CNTN1: variants seen among roughly 807,000 people sequenced by gnomAD.
The protein encoded by CNTN1 is contactin 1, also known as contactin-1.
A neutral mutation model predicts 126.4 loss-of-function variants in CNTN1; 38 were observed. The observed-to-expected ratio is 0.30, with a 90% CI of 0.23 to 0.39. The LOEUF is 0.39. Among genes scored for constraint, CNTN1 ranks in the 10% least tolerant of loss-of-function variants. The probability of loss-of-function intolerance (pLI) is 1.00; values close to 1 mark genes in which losing one functional copy is unlikely to be tolerated. For missense variants in CNTN1, 1,009 were observed against 1,248.4 expected, an observed-to-expected ratio of 0.81 and a Z score of 2.89; for synonymous variants, 413 against 422.6, an observed-to-expected ratio of 0.98 and a Z score of 0.28.
intron 23 of CNTN1, among the ~76,000 whole-genome samples, chr12:41,051,972 G>T (rs1949697619): frequency 6.6e-6 from 1 of 150,994 alleles, no homozygotes; most frequent in Non-Finnish European, 1.5e-5. Context: ...TCCATTCTCT[G>T]TGAGCAGTGT....
chr12:41,017,803 C>A (rs970542333), intron 19 of CNTN1, among the ~76,000 whole-genome samples: 2 of 151,596 alleles, frequency 1.3e-5, no homozygotes, highest in Non-Finnish European at 2.9e-5. Flanking sequence ...AAAAATAATA[C>A]CTTTCTGGCC....
chr12:40,800,958 AGTTTGG>A, intron 1 of CNTN1, among the ~76,000 whole-genome samples: 1 of 151,338 alleles, frequency 6.6e-6, no homozygotes, highest in East Asian at 2.0e-4. Flanking sequence ...AGAATGAGTA[AGTTTGG>A]ACACAAAGTC....
At chr12:40,795,871 T>G (rs1293874764) in intron 1 of CNTN1, among the ~76,000 whole-genome samples, 2 of 152,120 alleles carry the variant, frequency 1.3e-5, no homozygotes, top group Non-Finnish European at 2.9e-5. Flanking sequence ...GTTTTTTAAA[T>G]TTTTTACTTA....
intron 1 of CNTN1, among the ~76,000 whole-genome samples, chr12:40,703,205 GA>G (rs1167459541): frequency 6.6e-6 from 1 of 151,778 alleles, no homozygotes; most frequent in Non-Finnish European, 1.5e-5. Flanking sequence ...AATTATTACT[GA>G]AAAAATAATA....
rs57340925 is a variant in CNTN1 at position 40,924,548 on chromosome 12, C to T, written c.401-9C>T. ...AGTGAATGTTTCTCTTTTTTTCTTT[C>T]GTAATTAGATCTTGATCCTTTCCCA... On this transcript the variant is annotated splice_polypyrimidine_tract_variant and intron_variant, in intron 5 of 23. Coordinates refer to ENST00000551295, the MANE Select transcript of CNTN1 (RefSeq NM_001843.4). 6,297 of 1,460,780 alleles carry T rather than the reference C, an allele frequency of 4.3e-3. 212 individuals are homozygous for T. In the African/African-American group the frequency reaches 0.076, roughly 18 times the overall value. 90.5% of individuals were successfully genotyped at this position (1,460,780 alleles called of 1,614,324 possible).
chr12:40,767,424 C>T (rs936183467), intron 1 of CNTN1, among the ~76,000 whole-genome samples: 5 of 145,384 alleles, frequency 3.4e-5, no homozygotes, highest in East Asian at 2.1e-4. Flanking sequence ...TTCTCCTGCC[C>T]CAGCCTCCCG....
intron 1 of CNTN1, among the ~76,000 whole-genome samples, chr12:40,798,100 ATATC>A (rs748394080): frequency 3.3e-5 from 5 of 152,046 alleles, no homozygotes; most frequent in Non-Finnish European, 7.4e-5. Flanking sequence ...GTGGATGAAA[ATATC>A]TAGGGAGAGA....
chr12:41,024,911 A>G (rs1213974066), intron 20 of CNTN1, among the ~76,000 whole-genome samples: 1 of 152,068 alleles, frequency 6.6e-6, no homozygotes, highest in Non-Finnish European at 1.5e-5. Context: ...TTTTTAGTCA[A>G]TGTAAAACAA....
chr12:40,774,563 A>G (rs1450911552), intron 1 of CNTN1, among the ~76,000 whole-genome samples: 1 of 151,740 alleles, frequency 6.6e-6, no homozygotes, highest in Non-Finnish European at 1.5e-5. Flanking sequence ...GTCAACTTTC[A>G]TGAATATTTT....
chr12:40,907,604 A>G (rs1944876715), intron 1 of CNTN1, among the ~76,000 whole-genome samples: 1 of 152,200 alleles, frequency 6.6e-6, no homozygotes, highest in African/African-American at 2.4e-5. Context: ...AGACTGCTAC[A>G]TGGTTTTGTA....
chr12:40,746,709 G>A (rs569376122), intron 1 of CNTN1, among the ~76,000 whole-genome samples: 126 of 152,084 alleles, frequency 8.3e-4, no homozygotes, highest in African/African-American at 2.7e-3. Context: ...ATGAGTATGC[G>A]CAGTGTGCTT....
intron 1 of CNTN1, among the ~76,000 whole-genome samples, chr12:40,850,634 A>T (rs1437169038): frequency 6.6e-6 from 1 of 152,084 alleles, no homozygotes; most frequent in East Asian, 1.9e-4. Flanking sequence ...TTCAGCGATG[A>T]TATTAAAATA....
intron 1 of CNTN1, among the ~76,000 whole-genome samples, chr12:40,887,913 G>A: frequency 6.7e-6 from 1 of 150,234 alleles, no homozygotes; most frequent in Non-Finnish European, 1.5e-5. Flanking sequence ...CTATCGCAAG[G>A]ACAAAAAACC....
chr12:40,831,367 A>G (rs765862214), intron 1 of CNTN1, among the ~76,000 whole-genome samples: 1 of 152,020 alleles, frequency 6.6e-6, no homozygotes, highest in Non-Finnish European at 1.5e-5. Flanking sequence ...TTATGTTTAG[A>G]CAACAAGAAA....
intron 7 of CNTN1, 60 bp downstream of exon 7, chr12:40,930,062 C>A (rs999620339): frequency 1.9e-5 from 24 of 1,271,002 alleles, no homozygotes; most frequent in Non-Finnish European, 2.8e-5. Context: ...GGTATACTTA[C>A]CGTAATGAAA....
At chr12:40,991,508 T>TA (rs1446681651) in intron 16 of CNTN1, among the ~76,000 whole-genome samples, 1 of 152,118 alleles carries the variant, frequency 6.6e-6, no homozygotes, top group Admixed American at 6.6e-5. Context: ...TATAAGGGGT[T>TA]AAAATCATTG....
intron 1 of CNTN1, among the ~76,000 whole-genome samples, chr12:40,858,534 G>A (rs1239868058): frequency 6.6e-6 from 1 of 152,130 alleles, no homozygotes; most frequent in African/African-American, 2.4e-5. Context: ...TGGTGGGAAT[G>A]TAAATTAATT....
rs1045597516 is a variant in CNTN1, at chr12:41,071,649, T to C, written c.*1614T>C. ...TCAATAAATATTTCATTAGTTTACA[T>C]TTAACTCTGGTATAAAATGAAACTT... is the stretch of plus-strand genomic sequence containing the variant. On this transcript the variant is annotated 3_prime_UTR_variant, in exon 24 of 24. Transcript: ENST00000551295. 59 of 152,194 alleles carry C rather than the reference T, an allele frequency of 3.9e-4. No individual in the cohort carries two copies. The highest frequency in any genetic ancestry group is 1.3e-3 in the African/African-American group (55 of 41,458). 9.4% of individuals were successfully genotyped at this position (152,194 alleles called of 1,614,324 possible).
chr12:40,864,439 A>G (rs1207276275), intron 1 of CNTN1, among the ~76,000 whole-genome samples: 1 of 152,110 alleles, frequency 6.6e-6, no homozygotes, highest in Non-Finnish European at 1.5e-5. Context: ...CTAATTTCAG[A>G]ACATTTTTAT....
Sources: allele counts gnomAD v4.1 joint callset (sites outside exome capture counted in the v4.1 genomes callset), GRCh38; gene constraint gnomAD v4.1.1; transcripts MANE v1.5; gene names NCBI Gene and HGNC (gene_info 2026-07-23, HGNC 2026-07-21).